The following TGFB2 variants were observed in gnomAD, a reference collection of about 807,000 sequenced individuals.
TGFB2 encodes transforming growth factor beta-2 proprotein.
In TGFB2, 13 loss-of-function variants were observed where a neutral mutation model predicts 42.7. That is an observed-to-expected ratio of 0.30 (90% CI 0.20 to 0.48). The LOEUF (loss-of-function observed/expected upper bound fraction) is 0.48, where lower values mean the gene tolerates loss of function less well. Among genes scored for constraint, TGFB2 ranks in the 20% least tolerant of loss-of-function variants. The pLI is 0.99. For missense variants in TGFB2, 390 were observed against 517.5 expected (o/e 0.75, Z 2.39); for synonymous variants, 193 against 193.6 (o/e 1.00, Z 0.03).
intron 2 of TGFB2, among the ~76,000 whole-genome samples, chr1:218,429,274 C>A (rs1659728890): frequency 6.6e-6 from 1 of 152,190 alleles, no homozygotes; most frequent in Admixed American, 6.5e-5. Flanking sequence ...AGCCACTGTG[C>A]CTGGCCTATT....
rs10482774 is a variant in TGFB2, at chr1:218,406,883, G to A, written c.510+1551G>A. 4.4e-3 allele frequency among the ~76,000 whole-genome samples: 664 copies of A among 152,252 alleles called. 24 individuals carry two copies. The highest frequency in any genetic ancestry group is 0.041 in the Admixed American group (625 of 15,288). ...GATCCCCGTGATAAGGGGTATATAT[G>A]TGTGACAATATGATTAAAACATGGG... On this transcript the variant is annotated intron_variant, in intron 2 of 6. Coordinates refer to ENST00000366930, the MANE Select transcript of TGFB2 (RefSeq NM_003238.6).
At chr1:218,402,341 G>A (rs1658749287) in intron 1 of TGFB2, among the ~76,000 whole-genome samples, 1 of 152,224 alleles carries the variant, frequency 6.6e-6, no homozygotes, top group Admixed American at 6.5e-5. Flanking sequence ...GTTTGCCAAT[G>A]TATAGGAAGC....
intron 2 of TGFB2, among the ~76,000 whole-genome samples, chr1:218,411,145 A>G (rs1483220646): frequency 6.6e-6 from 1 of 152,166 alleles, no homozygotes; most frequent in Non-Finnish European, 1.5e-5. Flanking sequence ...TTCAATAGTC[A>G]TTTCTCATTT....
At chr1:218,421,886 A>C (rs559563048) in intron 2 of TGFB2, among the ~76,000 whole-genome samples, 28 of 152,294 alleles carry the variant, frequency 1.8e-4, no homozygotes, top group African/African-American at 6.5e-4. Context: ...ACTATAGCCA[A>C]GGAACACCAA....
rs926929754 is a variant in TGFB2 at position 218,346,644 on chromosome 1, G to T, written c.-58G>T. On this transcript the variant is annotated 5_prime_UTR_variant, in exon 1 of 7. Transcript: ENST00000366930. The surrounding 1 kb of genome is among the most constrained non-coding windows in gnomAD (Gnocchi z 4.9). ...CTTGATCTATACTTTGAGAATTGTT[G>T]ATTTCTTTTTTTTATTCTGACTTTT... 12 of 1,453,908 alleles carry T rather than the reference G, an allele frequency of 8.3e-6. No individual in the cohort carries two copies. Among genetic ancestry groups the T allele is most frequent in the Middle Eastern group, 3.6e-4 (2 of 5,560 alleles). The allele number at this position is 1,453,908 out of a possible 1,614,324, so 90.1% of individuals were successfully genotyped here.
intron 1 of TGFB2, among the ~76,000 whole-genome samples, chr1:218,375,437 T>G (rs1657709633): frequency 8.6e-6 from 1 of 116,544 alleles, no homozygotes; most frequent in African/African-American, 2.7e-5. Flanking sequence ...TGAGAGTTAA[T>G]TAAAAAAAAA....
chr1:218,435,800 G>C (rs541531172), intron 4 of TGFB2, among the ~76,000 whole-genome samples, 170 bp from the exon 5 acceptor site: 1 of 152,348 alleles, frequency 6.6e-6, no homozygotes, highest in Non-Finnish European at 1.5e-5. Flanking sequence ...TGGGTTAGTC[G>C]TAGTCCTGTT....
chr1:218,439,391 A>C lies in TGFB2; in HGVS notation c.1087-1813A>C, dbSNP rs575800956. 7.2e-5 allele frequency among the ~76,000 whole-genome samples: 11 copies of C among 152,328 alleles called. No homozygotes were observed. In the East Asian group the frequency reaches 1.7e-3, roughly 24 times the overall value. On this transcript the variant is annotated intron_variant, in intron 6 of 6. Transcript: ENST00000366930. Reference sequence around the variant, plus strand: ...AGGAAAATGGATCAGCTGCCAAAAAAGATCACATACTACATTCAGCTGAAT... The same window carrying C: ...AGGAAAATGGATCAGCTGCCAAAAACGATCACATACTACATTCAGCTGAAT...
chr1:218,413,117 A>G (rs1419840937), intron 2 of TGFB2, among the ~76,000 whole-genome samples: 3 of 152,150 alleles, frequency 2.0e-5, no homozygotes, highest in South Asian at 4.1e-4. Flanking sequence ...CACACCTATA[A>G]TCCCAGCACT....
At chr1:218,394,066 C>T (rs1658409572) in intron 1 of TGFB2, among the ~76,000 whole-genome samples, 1 of 152,126 alleles carries the variant, frequency 6.6e-6, no homozygotes, top group Non-Finnish European at 1.5e-5. Flanking sequence ...ACCACCATGC[C>T]TGGCTAATTT....
chr1:218,405,677 T>C (rs1210021641), intron 2 of TGFB2: 3 of 351,016 alleles, frequency 8.5e-6, no homozygotes, highest in Non-Finnish European at 1.7e-5. Context: ...CTCATTTAGG[T>C]TGTTGTAATG....
intron 1 of TGFB2, among the ~76,000 whole-genome samples, chr1:218,361,461 C>A (rs61067497): frequency 2.0e-5 from 3 of 152,100 alleles, no homozygotes; most frequent in African/African-American, 7.2e-5. Flanking sequence ...ACCTGGGTGA[C>A]CTTGGGATCT....
At chr1:218,397,251 G>C (rs1276553607) in intron 1 of TGFB2, among the ~76,000 whole-genome samples, 1 of 140,606 alleles carries the variant, frequency 7.1e-6, no homozygotes, top group African/African-American at 2.7e-5. Flanking sequence ...CTGGGCCACA[G>C]AGCAAGACTC....
At chr1:218,426,913 C>G (rs1177412654) in intron 2 of TGFB2, among the ~76,000 whole-genome samples, 1 of 152,184 alleles carries the variant, frequency 6.6e-6, no homozygotes, top group Non-Finnish European at 1.5e-5. Flanking sequence ...AATTACCAAT[C>G]CATGTCATTT....
intron 1 of TGFB2, among the ~76,000 whole-genome samples, chr1:218,361,676 A>G (rs773416800): frequency 5.9e-5 from 9 of 152,346 alleles, no homozygotes; most frequent in Non-Finnish European, 1.2e-4. Context: ...TATTTAAGAT[A>G]ACTTTCAGCA....
chr1:218,437,252 C>A, intron 5 of TGFB2, 91 bp from the exon 6 acceptor site: 1 of 1,258,360 alleles, frequency 7.9e-7, no homozygotes, highest in South Asian at 1.6e-5. Context: ...ATGAATGAAT[C>A]ATTTTTCTGG....
intron 2 of TGFB2, among the ~76,000 whole-genome samples, chr1:218,427,757 A>C (rs1007221204): frequency 8.5e-5 from 13 of 152,138 alleles, no homozygotes; most frequent in Non-Finnish European, 1.6e-4. Flanking sequence ...GGTTGGTTCC[A>C]AGTCTTTGCT....
At chr1:218,377,911 C>T (rs927275240) in intron 1 of TGFB2, among the ~76,000 whole-genome samples, 23 of 152,186 alleles carry the variant, frequency 1.5e-4, no homozygotes, top group African/African-American at 5.3e-4. Context: ...TGAGGCTTCC[C>T]ATTTGCCACC....
intron 1 of TGFB2, among the ~76,000 whole-genome samples, chr1:218,375,977 A>G (rs1657727866): frequency 6.6e-6 from 1 of 152,212 alleles, no homozygotes; most frequent in Non-Finnish European, 1.5e-5. Context: ...GAATGTATAG[A>G]ATCAAAGGGA....
Sources: gnomAD v4.1 joint callset for allele counts (sites outside exome capture counted in the v4.1 genomes callset) on GRCh38, gnomAD v4.1.1 for gene constraint, Gnocchi (gnomAD v3.1) non-coding constraint, MANE v1.5 for transcripts, NCBI Gene and HGNC (gene_info 2026-07-23, HGNC 2026-07-21) for gene names.